The following CFAP92 variants were observed in gnomAD, a reference collection of about 807,000 sequenced individuals.
CFAP92 encodes cilia and flagella associated protein 92 (putative).
Under a neutral mutation model 106.3 loss-of-function variants are expected in CFAP92, and 86 were observed. That is an observed-to-expected ratio of 0.81 (90% CI 0.68 to 0.97). The LOEUF is 0.97. Ranked by LOEUF, CFAP92 falls within the 50% of genes least tolerant of loss-of-function variation. The probability of loss-of-function intolerance (pLI) is 0.00; values close to 1 mark genes in which losing one functional copy is unlikely to be tolerated. For missense variants in CFAP92, 1,204 were observed against 1,283.8 expected, an observed-to-expected ratio of 0.94 and a Z score of 0.95; for synonymous variants, 477 against 506.4, an observed-to-expected ratio of 0.94 and a Z score of 0.78.
intron 12 of CFAP92, among the ~76,000 whole-genome samples, chr3:128,924,732 C>T (rs1399039586): frequency 6.6e-6 from 1 of 152,160 alleles, no homozygotes; most frequent in Non-Finnish European, 1.5e-5. Flanking sequence ...TAGGCGTGAG[C>T]CACCACGCCC....
At chr3:128,936,354 T>TA (rs1448330213) in intron 10 of CFAP92, among the ~76,000 whole-genome samples, 2 of 152,236 alleles carry the variant, frequency 1.3e-5, no homozygotes, top group Non-Finnish European at 2.9e-5. Context: ...CACAGGACTT[T>TA]AAAAAATATA....
intron 7 of CFAP92, among the ~76,000 whole-genome samples, chr3:128,973,324 G>T (rs556410679): frequency 6.6e-6 from 1 of 152,180 alleles, no homozygotes; most frequent in Non-Finnish European, 1.5e-5. Context: ...GCAGACCGGG[G>T]AGAACAGCAA....
chr3:128,971,101 T>C (rs907735439), intron 8 of CFAP92, 186 bp downstream of exon 8: 30 of 808,932 alleles, frequency 3.7e-5, no homozygotes, highest in Non-Finnish European at 5.4e-5. Flanking sequence ...TCAGGCAAGG[T>C]AGCTACCCTC....
intron 12 of CFAP92, among the ~76,000 whole-genome samples, chr3:128,927,097 G>GA (rs1050997071): frequency 6.0e-5 from 9 of 150,918 alleles, no homozygotes; most frequent in Non-Finnish European, 7.4e-5. Context: ...TGTCTCAAAA[G>GA]AAAAAAAAGA....
chr3:128,987,569 G>T, intron 4 of CFAP92, 47 bp downstream of exon 4: 1 of 1,518,100 alleles, frequency 6.6e-7, no homozygotes, highest in South Asian at 1.1e-5. Flanking sequence ...TGTTACTAGT[G>T]AGTAAGCCCC....
intron 8 of CFAP92, chr3:128,966,504 G>T (rs972107972): frequency 6.6e-6 from 1 of 152,238 alleles, no homozygotes; most frequent in African/African-American, 2.4e-5. Flanking sequence ...CTCGCAAAAA[G>T]GGTGGGTGAA....
rs773970582 is a variant in CFAP92, at chr3:128,935,255, G to A, written c.2323C>T (p.Arg775Trp). ...LYNSQLLFRS[R>W]LYGDLEAILY... ...ATGGCCTCCAGGTCCCCATAGAGCC[G>A]GCTGCGGAACAGCAGCTGTGAGTTG... The change falls in exon 11 of 16, where the codon CGG (arginine) becomes TGG (tryptophan). Residue 775 changes from arginine to tryptophan, a missense_variant. Physicochemically the swap from Arg to Trp is moderately radical, Grantham distance 101. Transcript: ENST00000645291. 2.0e-5 allele frequency: 31 copies of A among 1,535,788 alleles called. No homozygotes were observed. The highest frequency in any genetic ancestry group is 1.7e-4 in the Middle Eastern group (1 of 6,012).
At chr3:128,970,929 C>T in intron 8 of CFAP92, 1 of 308,754 alleles carries the variant, frequency 3.2e-6, no homozygotes, top group South Asian at 5.0e-5. Context: ...ATTCCCTTTA[C>T]TAGATGTTTT....
intron 12 of CFAP92, among the ~76,000 whole-genome samples, chr3:128,922,156 G>A (rs910221409): frequency 5.3e-5 from 8 of 151,826 alleles, no homozygotes; most frequent in Admixed American, 3.3e-4. Flanking sequence ...TGGCTAACAC[G>A]GTGAAACCCC....
upstream of CFAP92, among the ~76,000 whole-genome samples, chr3:129,006,339 G>A (rs879280873): frequency 2.6e-5 from 4 of 152,154 alleles, no homozygotes; most frequent in Non-Finnish European, 4.4e-5. Flanking sequence ...TGTTTTTTGA[G>A]ACAGTCTTGC....
rs576771085 is a variant in CFAP92 at position 128,915,854 on chromosome 3, A to T, written c.2916+253T>A. 7 of 467,858 alleles carry T rather than the reference A, an allele frequency of 1.5e-5. No individual in the cohort carries two copies. The Admixed American group carries it at 2.7e-4, about 18-fold the overall frequency. 29.0% of individuals were successfully genotyped at this position (467,858 alleles called of 1,614,324 possible). A position where few individuals can be genotyped will look rare whatever the true frequency, so the allele number is the denominator to read the frequency against. On this transcript the variant is annotated intron_variant, in intron 13 of 15. Transcript: ENST00000645291. ...AATCATAAAGTGTTCCCCAGAGGTAAGGATGCTACAGTTGTTCTCCTTTAT... is the reference window on the plus strand; with the variant it reads ...AATCATAAAGTGTTCCCCAGAGGTATGGATGCTACAGTTGTTCTCCTTTAT...
upstream of CFAP92, among the ~76,000 whole-genome samples, chr3:129,003,626 G>T (rs966213072): frequency 6.6e-6 from 1 of 152,228 alleles, no homozygotes. Flanking sequence ...GGTTAAAGGA[G>T]CTTGGACGCA....
the CFAP92 span, among the ~76,000 whole-genome samples, chr3:129,018,789 C>A: frequency 6.6e-6 from 1 of 152,186 alleles, no homozygotes; most frequent in Non-Finnish European, 1.5e-5. Flanking sequence ...TGTGTTCTTG[C>A]GAAGTGAGTC....
chr3:128,964,822 C>A (rs1347517846), intron 9 of CFAP92, among the ~76,000 whole-genome samples: 1 of 152,198 alleles, frequency 6.6e-6, no homozygotes, highest in South Asian at 2.1e-4. Flanking sequence ...GGTTCCCACG[C>A]TGCCCCTAAT....
chr3:128,918,940 A>AT (rs10573280), intron 12 of CFAP92, among the ~76,000 whole-genome samples: 1,881 of 105,722 alleles, frequency 0.018, 25 homozygotes, highest in Non-Finnish European at 0.023. Flanking sequence ...CTCAGATTGG[A>AT]TTTTTTTTTT....
At chr3:128,983,178 T>C (rs1455114659) in intron 4 of CFAP92, among the ~76,000 whole-genome samples, 1 of 152,116 alleles carries the variant, frequency 6.6e-6, no homozygotes, top group Non-Finnish European at 1.5e-5. Context: ...GATGAAGCAA[T>C]GGATAAGGCC....
At chr3:128,913,994 G>C (rs1936609461) in intron 15 of CFAP92, among the ~76,000 whole-genome samples, 1 of 152,132 alleles carries the variant, frequency 6.6e-6, no homozygotes, top group Non-Finnish European at 1.5e-5. Flanking sequence ...CATGCCAATG[G>C]AGAATGGCAA....
intron 12 of CFAP92, among the ~76,000 whole-genome samples, chr3:128,919,197 G>C (rs781591756): frequency 6.6e-6 from 1 of 151,738 alleles, no homozygotes; most frequent in Non-Finnish European, 1.5e-5. Context: ...ACCCACTTCA[G>C]CTTCCCAAAG....
intron 1 of CFAP92, chr3:129,001,603 G>A: frequency 2.2e-6 from 3 of 1,355,012 alleles, no homozygotes; most frequent in Non-Finnish European, 2.8e-6. Context: ...AGGAGGGACC[G>A]GAGGAGCGAG....
Sources: allele counts gnomAD v4.1 joint callset (sites outside exome capture counted in the v4.1 genomes callset), GRCh38; gene constraint gnomAD v4.1.1; transcripts MANE v1.5; gene names NCBI Gene and HGNC (gene_info 2026-07-23, HGNC 2026-07-21).